GGT6: variants seen among roughly 807,000 people sequenced by gnomAD.
The protein encoded by GGT6 is glutathione hydrolase 6.
GGT6 carries 13 observed loss-of-function variants against 17.0 expected under a neutral mutation model. That is an observed-to-expected ratio of 0.77 (90% confidence interval 0.50 to 1.22). The LOEUF is 1.22. Among genes scored for constraint, GGT6 ranks in the 50% most tolerant of loss-of-function variants. GGT6 has a pLI of 0.00. For synonymous variants in GGT6, 305 were observed against 297.9 expected (o/e 1.02, Z -0.25); for missense variants, 628 against 643.7 (o/e 0.98, Z 0.26).
In GGT6 at chr17:4,560,559, G is replaced by C; in HGVS notation, c.-38C>G. The C allele has an allele frequency of 6.2e-7, 1 of 1,602,720 alleles. No individual in the cohort carries two copies. ...CTCGCCCCAGCCCTCCTGCCTGCCA[G>C]CCTTTCCGGCTGTGTCTCAGAGGCC... is the stretch of plus-strand genomic sequence containing the variant. On this transcript the variant is annotated 5_prime_UTR_variant, in exon 1 of 4. Transcript: ENST00000381550.
intron 2 of GGT6, 33 bp from the exon 3 acceptor site, chr17:4,559,489 GA>G: frequency 4.4e-6 from 7 of 1,573,612 alleles, no homozygotes; most frequent in Non-Finnish European, 6.0e-6. Context: ...ATGCAGCAAG[GA>G]GGGGGGCTAG....
chr17:4,558,145 T>G lies in GGT6; in HGVS notation c.1370A>C (p.Gln457Pro). 1 of 1,613,772 alleles carries G rather than the reference T, an allele frequency of 6.2e-7. No individual in the cohort carries two copies. Among genetic ancestry groups the G allele is most frequent in the African/African-American group, 1.3e-5 (1 of 75,058 alleles). Residue 457 changes from glutamine to proline, a missense_variant, in exon 4 of 4, where the codon CAG becomes CCG. Transcript: ENST00000381550. ...RPPTQAQHQHQGQQEPTEHPS... is the reference protein window; with the variant it reads ...RPPTQAQHQHPGQQEPTEHPS... Reference sequence around the variant, plus strand: ...ATGCTCTGTTGGTTCTTGCTGACCCTGATGCTGGTGCTGGGCCTGGGTAGG... The same window carrying G: ...ATGCTCTGTTGGTTCTTGCTGACCCGGATGCTGGTGCTGGGCCTGGGTAGG...
intron 1 of GGT6, among the ~76,000 whole-genome samples, chr17:4,560,126 G>C (rs1908533063): frequency 6.6e-6 from 1 of 152,228 alleles, no homozygotes; most frequent in African/African-American, 2.4e-5. Flanking sequence ...CCAGGACTTG[G>C]GGGCTGGGGA....
At position 4,557,970 on chromosome 17, in the gene GGT6, A is replaced by G; in HGVS notation, c.*45T>C. 1 of 1,292,944 alleles carries G rather than the reference A, an allele frequency of 7.7e-7. No individual in the cohort carries two copies. The highest frequency in any genetic ancestry group is 1.1e-6 in the Non-Finnish European group (1 of 948,574). The allele number at this position is 1,292,944 out of a possible 1,614,324, so 80.1% of individuals were successfully genotyped here. On this transcript the variant is annotated 3_prime_UTR_variant, in exon 4 of 4. Transcript: ENST00000381550. ...CTGTGTCTGCTCTGCTCCTGCCCCC[A>G]TGCTTCAGATAACTCTGCCTTCTGC...
chr17:4,558,685 C>G lies in GGT6; in HGVS notation c.830G>C (p.Gly277Ala). 1 of 1,605,814 alleles carries G rather than the reference C, an allele frequency of 6.2e-7. No individual in the cohort carries two copies. The highest frequency in any genetic ancestry group is 8.5e-7 in the Non-Finnish European group (1 of 1,176,358). ...CGCCAGTAGACTCAGTAGAGCATCC[C>G]CAGCAAGGTCTGAGGTGGGAGCGAG... The part of the protein sequence containing the change: ...AALAPTSDLA[G>A]DALLSLLAGD... Residue 277 changes from glycine (G) to alanine (A), a missense_variant, in exon 4 of 4, where the codon GGG (glycine) becomes GCG (alanine). By Grantham distance (60) the Gly-to-Ala change is moderately conservative. Coordinates refer to ENST00000381550, the MANE Select transcript of GGT6 (RefSeq NM_001288702.2).
rs1327393823 is a variant in GGT6, at chr17:4,558,928, T to TGCAGCA, written c.581_586dup (p.Leu194_Leu195dup). On this transcript the variant is annotated inframe_insertion, in exon 4 of 4. Transcript: ENST00000381550. ...CCAGGGCAGGCGGCCGAAGCGTGCATGCAGCAGGTGCAGGGTGGGCAGAGC... is the reference window on the plus strand; with the variant it reads ...CCAGGGCAGGCGGCCGAAGCGTGCATGCAGCAGCAGCAGGTGCAGGGTGGGCAGAGC... The TGCAGCA allele has an allele frequency of 6.5e-7, 1 of 1,549,350 alleles. No individual in the cohort carries two copies. The highest frequency in any genetic ancestry group is 2.0e-5 in the Admixed American group (1 of 50,914).
In GGT6 at chr17:4,559,658, C is replaced by G. The variant is rs755832863; in HGVS notation, c.243G>C (p.Gln81His). The change falls in exon 2 of 4, where the codon CAG becomes CAC. Residue 81 changes from glutamine (Q) to histidine (H), a missense_variant. Physicochemically the swap from Gln to His is conservative, Grantham distance 24. Transcript: ENST00000381550. ...CSLAVRQLQN[Q>H]GRSTGSLGSV... ...AGCCCAAGCTTCCTGTCGACCTGCCCTGATTCTGGAGCTGCCTCACAGCCA... is the reference window on the plus strand; with the variant it reads ...AGCCCAAGCTTCCTGTCGACCTGCCGTGATTCTGGAGCTGCCTCACAGCCA... 1.2e-6 allele frequency: 2 copies of G among 1,613,320 alleles called. No individual in the cohort carries two copies. Among genetic ancestry groups the G allele is most frequent in the Admixed American group, 3.3e-5 (2 of 60,004 alleles).
At position 4,558,323 on chromosome 17, in the gene GGT6, T is replaced by C. The variant is rs754494424; in HGVS notation, c.1192A>G (p.Lys398Glu). Residue 398 changes from lysine (K) to glutamate (E), a missense_variant, in exon 4 of 4, where the codon AAG (lysine) becomes GAG (glutamate). Coordinates refer to ENST00000381550, the MANE Select transcript of GGT6 (RefSeq NM_001288702.2). ...TGVLLSNLVA[K>E]STTSAWACPL... ...CAGGCCCAGGCACTAGTGGTAGACT[T>C]GGCCACCAGGTTGCTGAGCAGAACC... is the stretch of plus-strand genomic sequence containing the variant. 6.2e-7 allele frequency: 1 copy of C among 1,611,776 alleles called. No homozygotes were observed. Among genetic ancestry groups the C allele is most frequent in the South Asian group, 1.1e-5 (1 of 91,090 alleles).
At chr17:4,559,156 G>C in intron 3 of GGT6, 99 bp from the exon 4 acceptor site, 2 of 1,446,146 alleles carry the variant, frequency 1.4e-6, no homozygotes, top group Non-Finnish European at 1.9e-6. Context: ...AGGAGTTACT[G>C]ACCAGGCCTG....
In GGT6 at chr17:4,558,721, C is replaced by G. The variant is rs372855031; in HGVS notation, c.794G>C (p.Arg265Pro). The change falls in exon 4 of 4, where the codon CGC becomes CCC. Residue 265 changes from arginine (R) to proline (P), a missense_variant. Coordinates refer to ENST00000381550, the MANE Select transcript of GGT6 (RefSeq NM_001288702.2). Reference sequence around the variant, plus strand: ...TGAGGTGGGAGCGAGGGCTGCGCTGCGAAGCACAGCTGCCAGTTGTGGGTT... The same window carrying G: ...TGAGGTGGGAGCGAGGGCTGCGCTGGGAAGCACAGCTGCCAGTTGTGGGTT... Reference protein sequence around the residue: ...ATNPQLAAVLRSAALAPTSDL... With the variant: ...ATNPQLAAVLPSAALAPTSDL... 6.2e-7 allele frequency: 1 copy of G among 1,602,532 alleles called. No individual in the cohort carries two copies. Among genetic ancestry groups the G allele is most frequent in the Non-Finnish European group, 8.5e-7 (1 of 1,175,678 alleles).
intron 1 of GGT6, chr17:4,560,053 G>C (rs1189798433): frequency 7.0e-6 from 4 of 571,472 alleles, no homozygotes; most frequent in African/African-American, 3.7e-5. Flanking sequence ...GAGAGAAGGG[G>C]CTGGGGAGCA....
intron 1 of GGT6, 83 bp downstream of exon 1, chr17:4,560,299 G>T: frequency 6.6e-7 from 1 of 1,516,232 alleles, no homozygotes; most frequent in Non-Finnish European, 9.1e-7. Flanking sequence ...GGAGTCGCCT[G>T]GTCCCCCTGA....
chr17:4,560,176 T>C (rs1406366855), intron 1 of GGT6, among the ~76,000 whole-genome samples: 1 of 152,194 alleles, frequency 6.6e-6, no homozygotes, highest in Non-Finnish European at 1.5e-5. Context: ...GCTGGCTTGG[T>C]ACAAATGTCC....
At position 4,560,421 on chromosome 17, in the gene GGT6, G is replaced by A. The variant is rs62066363; in HGVS notation, c.101C>T (p.Ala34Val). Residue 34 changes from alanine to valine, a missense_variant, in exon 1 of 4, where the codon GCG becomes GTG. Physicochemically the swap from Ala to Val is moderately conservative, Grantham distance 64 (BLOSUM62 0). Coordinates refer to ENST00000381550, the MANE Select transcript of GGT6 (RefSeq NM_001288702.2). ...EEVEEEETSE[A>V]LVLNPRRHQD... The stretch of plus-strand genomic sequence containing the variant: ...GTGCCTCCGGGGGTTTAGAACCAGC[G>A]CCTCTGATGTCTCCTCCTCCTCCAC... 0.02 allele frequency: 32,716 copies of A among 1,613,536 alleles called. 512 individuals carry two copies. The highest frequency in any genetic ancestry group is 0.074 in the Admixed American group (4,416 of 60,014).
At position 4,558,797 on chromosome 17, in the gene GGT6, G is replaced by A. The variant is rs1403474952; in HGVS notation, c.718C>T (p.Leu240=). The A allele has an allele frequency of 1.1e-5, 17 of 1,557,452 alleles. No individual in the cohort carries two copies. The Admixed American group carries it at 1.8e-4, about 16-fold the overall frequency. Residue 240 remains leucine, a synonymous_variant, in exon 4 of 4, where the codon CTA becomes TTA. Coordinates refer to ENST00000381550, the MANE Select transcript of GGT6 (RefSeq NM_001288702.2). ...VARGTEGLCP[L]LCHADGTPLG... is the part of the protein sequence containing the mutation. ...GGTGTCCCATCAGCATGGCAAAGTA[G>A]TGGACAGAGGCCTTCTGTGCCCCGA...
At chr17:4,560,065 G>A (rs1052844769) in intron 1 of GGT6, 4 of 570,118 alleles carry the variant, frequency 7.0e-6, no homozygotes, top group Admixed American at 3.1e-5. Flanking sequence ...TGGGGAGCAG[G>A]CCCAGCCAGG....
Position 4,559,769 on chromosome 17 carries a change from G to T in GGT6, c.141-9C>A. On this transcript the variant is annotated splice_polypyrimidine_tract_variant and intron_variant, in intron 1 of 3. Transcript: ENST00000381550. Reference sequence around the variant, plus strand: ...GCCCGCCAGCCTTGTTCCTGCAGAGGGGGGGTGTCCTGAGCCACGGCTGGG... The same window carrying T: ...GCCCGCCAGCCTTGTTCCTGCAGAGTGGGGGTGTCCTGAGCCACGGCTGGG... 4.3e-6 allele frequency: 7 copies of T among 1,609,532 alleles called. No individual in the cohort carries two copies. The African/African-American group carries it at 5.3e-5, about 12-fold the overall frequency.
At position 4,558,717 on chromosome 17, in the gene GGT6, G is replaced by C; in HGVS notation, c.798C>G (p.Ser266Arg). The C allele has an allele frequency of 1.2e-6, 2 of 1,604,500 alleles. No homozygotes were observed. Reference sequence around the variant, plus strand: ...GGTCTGAGGTGGGAGCGAGGGCTGCGCTGCGAAGCACAGCTGCCAGTTGTG... The same window carrying C: ...GGTCTGAGGTGGGAGCGAGGGCTGCCCTGCGAAGCACAGCTGCCAGTTGTG... ...TNPQLAAVLR[S>R]AALAPTSDLA... The change falls in exon 4 of 4, where the codon AGC becomes AGG. Residue 266 changes from serine to arginine, a missense_variant. Ser to Arg is a moderately radical substitution (Grantham distance 110, BLOSUM62 -1). Transcript: ENST00000381550.
Position 4,560,408 on chromosome 17 carries a change from G to T in GGT6, c.114C>A (p.Asn38Lys). Residue 38 changes from asparagine (N) to lysine (K), a missense_variant, in exon 1 of 4, where the codon AAC becomes AAA. By Grantham distance (94) the Asn-to-Lys change is moderately conservative. Coordinates refer to ENST00000381550, the MANE Select transcript of GGT6 (RefSeq NM_001288702.2). Reference protein sequence around the residue: ...EEETSEALVLNPRRHQDSSRN... With the variant: ...EEETSEALVLKPRRHQDSSRN... ...TGGAAGAGTCCTGGTGCCTCCGGGG[G>T]TTTAGAACCAGCGCCTCTGATGTCT... The T allele has an allele frequency of 6.2e-7, 1 of 1,614,112 alleles. No homozygotes were observed. The highest frequency in any genetic ancestry group is 8.5e-7 in the Non-Finnish European group (1 of 1,179,998).
Sources: gnomAD v4.1 joint callset for allele counts (sites outside exome capture counted in the v4.1 genomes callset) on GRCh38, gnomAD v4.1.1 for gene constraint, MANE v1.5 for transcripts, NCBI Gene and HGNC (gene_info 2026-07-23, HGNC 2026-07-21) for gene names.